The following RGS5 variants were observed in gnomAD, a reference collection of about 807,000 sequenced individuals.
RGS5 encodes regulator of G-protein signalling 5.
RGS5 carries 20 observed loss-of-function variants against 18.9 expected under a neutral mutation model. The observed-to-expected ratio is 1.06, with a 90% CI of 0.74 to 1.54. The LOEUF (loss-of-function observed/expected upper bound fraction) is 1.54. RGS5 is among the 40% of genes most tolerant of loss of function. RGS5 has a pLI of 0.00. For missense variants in RGS5, 201 were observed against 211.8 expected, an observed-to-expected ratio of 0.95 and a Z score of 0.32; for synonymous variants, 57 against 76.2, an observed-to-expected ratio of 0.75 and a Z score of 1.31.
chr1:163,253,936 T>C (rs1488100607), intron 2 of RGS5, among the ~76,000 whole-genome samples: 2 of 151,964 alleles, frequency 1.3e-5, no homozygotes, highest in Non-Finnish European at 2.9e-5. Context: ...TTACTGAGAA[T>C]GATGATTTCC....
intron 1 of RGS5, among the ~76,000 whole-genome samples, chr1:163,191,175 C>T (rs1038256897): frequency 2.0e-5 from 3 of 152,000 alleles, no homozygotes; most frequent in Admixed American, 6.6e-5. Flanking sequence ...CAGAGACTGC[C>T]GATGGCTATG....
At chr1:163,298,073 C>T (rs1240585268) in intron 2 of RGS5, among the ~76,000 whole-genome samples, 1 of 151,756 alleles carries the variant, frequency 6.6e-6, no homozygotes, top group Non-Finnish European at 1.5e-5. Flanking sequence ...TCTTTAATTT[C>T]CTTGTTTGAT....
chr1:163,154,067 C>T (rs1657489104), intron 3 of RGS5, among the ~76,000 whole-genome samples: 1 of 152,138 alleles, frequency 6.6e-6, no homozygotes. Context: ...CCAGTTTTCT[C>T]TAATTTGCCC....
At chr1:163,226,108 TG>T (rs1647324986) in intron 2 of RGS5, among the ~76,000 whole-genome samples, 1 of 150,680 alleles carries the variant, frequency 6.6e-6, no homozygotes, top group African/African-American at 2.4e-5. Context: ...TTAGTAGAGA[TG>T]GGGTTTCTCC....
intron 1 of RGS5, among the ~76,000 whole-genome samples, chr1:163,310,281 T>C (rs927466386): frequency 6.6e-6 from 1 of 152,172 alleles, no homozygotes; most frequent in Non-Finnish European, 1.5e-5. Flanking sequence ...ACTTCTCTTC[T>C]CTAGCTATGA....
chr1:163,166,510 C>CTTATG (rs1349585225), intron 2 of RGS5, among the ~76,000 whole-genome samples: 3 of 152,100 alleles, frequency 2.0e-5, no homozygotes, highest in Non-Finnish European at 4.4e-5. Context: ...TTATGCAGAA[C>CTTATG]ACAGTATTTC....
intron 2 of RGS5, among the ~76,000 whole-genome samples, chr1:163,263,712 G>C (rs973123613): frequency 2.0e-5 from 3 of 151,956 alleles, no homozygotes; most frequent in Non-Finnish European, 4.4e-5. Context: ...TCAGATTCTT[G>C]TTCCCAGAAA....
chr1:163,320,465 G>C (rs1650160760), intron 1 of RGS5, among the ~76,000 whole-genome samples: 2 of 152,090 alleles, frequency 1.3e-5, no homozygotes, highest in African/African-American at 2.4e-5. Context: ...GTAGTAAATG[G>C]TGTGATCAGG....
intron 2 of RGS5, among the ~76,000 whole-genome samples, chr1:163,303,621 A>T (rs1649620921): frequency 6.6e-6 from 1 of 152,194 alleles, no homozygotes; most frequent in East Asian, 1.9e-4. Context: ...TGAGACTGGC[A>T]TTAGCAGCTC....
At chr1:163,302,462 T>A (rs754405006) in intron 2 of RGS5, among the ~76,000 whole-genome samples, 5 of 152,138 alleles carry the variant, frequency 3.3e-5, no homozygotes, top group Non-Finnish European at 7.4e-5. Flanking sequence ...TAGCCCAAGT[T>A]TTTCTTGGAA....
intron 3 of RGS5, among the ~76,000 whole-genome samples, chr1:163,154,418 A>G (rs1348273866): frequency 1.3e-5 from 2 of 152,092 alleles, no homozygotes; most frequent in African/African-American, 2.4e-5. Context: ...GGTCACCATC[A>G]ATTTCAGGAT....
chr1:163,267,470 T>C (rs1648599658), intron 2 of RGS5: 1 of 152,136 alleles, frequency 6.6e-6, no homozygotes, highest in Non-Finnish European at 1.5e-5. Context: ...TTTTAACTCA[T>C]AAGTTATTTT....
intron 2 of RGS5, among the ~76,000 whole-genome samples, chr1:163,251,941 T>C (rs1648116969): frequency 6.6e-6 from 1 of 152,206 alleles, no homozygotes; most frequent in Non-Finnish European, 1.5e-5. Context: ...TTCTTGGCTA[T>C]TACAAATGAA....
intron 2 of RGS5, among the ~76,000 whole-genome samples, chr1:163,243,371 G>A (rs188288744): frequency 1.3e-5 from 2 of 152,158 alleles, no homozygotes; most frequent in Admixed American, 1.3e-4. Flanking sequence ...TGACAGGCCG[G>A]GCGCGGTGGC....
chr1:163,247,900 T>C (rs1647989386), intron 2 of RGS5, among the ~76,000 whole-genome samples: 1 of 152,204 alleles, frequency 6.6e-6, no homozygotes, highest in Non-Finnish European at 1.5e-5. Flanking sequence ...GTTCTTTCAA[T>C]CAATTAACAC....
intron 1 of RGS5, among the ~76,000 whole-genome samples, chr1:163,171,297 T>A (rs541594426): frequency 2.0e-5 from 3 of 152,316 alleles, no homozygotes; most frequent in Admixed American, 1.3e-4. Context: ...TGTGCAGTAT[T>A]ACAGTCAGAG....
intron 2 of RGS5, among the ~76,000 whole-genome samples, chr1:163,163,703 G>T (rs1365747686): frequency 1.3e-5 from 2 of 152,074 alleles, no homozygotes; most frequent in African/African-American, 4.8e-5. Flanking sequence ...ACTATAGTAG[G>T]TTCAATATTT....
chr1:163,152,435 G>C, intron 4 of RGS5, 115 bp downstream of exon 4: 1 of 1,075,182 alleles, frequency 9.3e-7, no homozygotes, highest in South Asian at 1.9e-5. Flanking sequence ...TAAGGTGGTC[G>C]ACTCACAAAT....
intron 1 of RGS5, among the ~76,000 whole-genome samples, chr1:163,191,702 C>A (rs1222904920): frequency 6.6e-6 from 1 of 152,122 alleles, no homozygotes; most frequent in Non-Finnish European, 1.5e-5. Flanking sequence ...GACCCTGGTT[C>A]TTTACACAGA....
Sources: allele counts gnomAD v4.1 joint callset (sites outside exome capture counted in the v4.1 genomes callset), GRCh38; gene constraint gnomAD v4.1.1; transcripts MANE v1.5; gene names NCBI Gene and HGNC (gene_info 2026-07-23, HGNC 2026-07-21).